Variants in RB1 observed in about 807,000 individuals in gnomAD.
RB1 encodes retinoblastoma-associated protein.
Under a neutral mutation model 135.4 loss-of-function variants are expected in RB1, and 18 were observed. That is an observed-to-expected ratio of 0.13 (90% confidence interval 0.09 to 0.20). RB1 has a LOEUF of 0.20. RB1 is among the 10% of genes least tolerant of loss of function. The probability of loss-of-function intolerance (pLI) is 1.00; values close to 1 mark genes in which losing one functional copy is unlikely to be tolerated. For synonymous variants in RB1, 365 were observed against 373.2 expected (o/e 0.98, Z 0.25); for missense variants, 868 against 1,110.0 (o/e 0.78, Z 3.10).
intron 23 of RB1, among the ~76,000 whole-genome samples, chr13:48,471,766 G>A (rs991368552): frequency 2.0e-5 from 3 of 152,094 alleles, no homozygotes; most frequent in African/African-American, 7.2e-5. Context: ...AGTACTTTTA[G>A]TTTGCAGTTT....
At chr13:48,318,271 C>A (rs568503079) in intron 2 of RB1, 131 of 939,748 alleles carry the variant, frequency 1.4e-4, no homozygotes, top group Non-Finnish European at 1.9e-4. Flanking sequence ...TCTTTCCAGT[C>A]TCTCGGGAGC....
chr13:48,326,728 G>A (rs953782188), intron 2 of RB1, among the ~76,000 whole-genome samples: 2 of 152,080 alleles, frequency 1.3e-5, no homozygotes, highest in African/African-American at 4.8e-5. Flanking sequence ...AGCTCAGCGA[G>A]CAGTTACCAC....
chr13:48,433,411 G>C (rs187857324), intron 17 of RB1, among the ~76,000 whole-genome samples: 1 of 151,936 alleles, frequency 6.6e-6, no homozygotes, highest in Non-Finnish European at 1.5e-5. Flanking sequence ...ATTTGAAGAA[G>C]AGAATTGGGA....
chr13:48,320,532 A>G, intron 2 of RB1: 5 of 537,218 alleles, frequency 9.3e-6, no homozygotes, highest in Non-Finnish European at 1.7e-5. Context: ...TGCCAGCTTC[A>G]TATACTCAAA....
chr13:48,412,439 A>G (rs781098756), intron 17 of RB1: 4 of 1,599,142 alleles, frequency 2.5e-6, no homozygotes, highest in East Asian at 2.2e-5. Context: ...AGGCACGTCC[A>G]ATTTTCAGTT....
chr13:48,359,878 A>G (rs1952623237), intron 6 of RB1, 139 bp from the exon 7 acceptor site: 1 of 1,331,652 alleles, frequency 7.5e-7, no homozygotes, highest in Admixed American at 3.0e-5. Context: ...TTTTTTACAA[A>G]AAAAAGAAAG....
chr13:48,317,688 A>C (rs1207807553), intron 2 of RB1: 7 of 542,898 alleles, frequency 1.3e-5, no homozygotes, highest in African/African-American at 2.1e-5. Context: ...GCGGTGCCGG[A>C]TCCCCTTGGG....
At chr13:48,456,643 C>T (rs1350954137) in intron 19 of RB1, among the ~76,000 whole-genome samples, 2 of 152,250 alleles carry the variant, frequency 1.3e-5, no homozygotes, top group Non-Finnish European at 2.9e-5. Flanking sequence ...TCGGCTCACA[C>T]TACCGGCCTG....
intron 2 of RB1, 68 bp from the exon 3 acceptor site, chr13:48,342,531 A>G: frequency 2.1e-6 from 2 of 964,798 alleles, no homozygotes; most frequent in South Asian, 1.3e-5. Flanking sequence ...GTTATAATAC[A>G]GTTTTAACAT....
At position 48,452,385 on chromosome 13, in the gene RB1, C is replaced by G. The variant is rs151023707; in HGVS notation, c.1696-608C>G. Among the ~76,000 whole-genome samples the G allele has an allele frequency of 2.1e-3, 320 of 152,076 alleles. 1 individual carries two copies. Among genetic ancestry groups the G allele is most frequent in the African/African-American group, 6.9e-3 (287 of 41,492 alleles). ...TTCAAATTATTTAATAGTTGCAGGA[C>G]TATGTAAGTTATTTTATTTCTTTTT... On this transcript the variant is annotated intron_variant, in intron 17 of 26. Coordinates refer to ENST00000267163, the MANE Select transcript of RB1 (RefSeq NM_000321.3).
At chr13:48,341,683 TG>T (rs1168716785) in intron 2 of RB1, among the ~76,000 whole-genome samples, 1 of 151,998 alleles carries the variant, frequency 6.6e-6, no homozygotes, top group Non-Finnish European at 1.5e-5. Context: ...AGTTTAGAGT[TG>T]GATGGTGGTA....
intron 2 of RB1, chr13:48,333,067 CTG>C (rs1952350825): frequency 2.5e-6 from 1 of 398,224 alleles, no homozygotes; most frequent in Non-Finnish European, 4.4e-6. Flanking sequence ...GAAACTGAAA[CTG>C]TGGAAAGTGA....
rs755742054 is a variant in RB1 at position 48,368,622 on chromosome 13, T to C, written c.1127+18T>C. 1 of 1,607,834 alleles carries C rather than the reference T, an allele frequency of 6.2e-7. No individual in the cohort carries two copies. The highest frequency in any genetic ancestry group is 2.3e-5 in the East Asian group (1 of 44,320). On this transcript the variant is annotated intron_variant, in intron 11 of 26. Coordinates refer to ENST00000267163, the MANE Select transcript of RB1 (RefSeq NM_000321.3). ...CCAGTTAGGTATGAATTTTCCTACT[T>C]TTAATTATATTATAATTTTGTTATT...
At chr13:48,421,146 A>G (rs933386606) in intron 17 of RB1, among the ~76,000 whole-genome samples, 2 of 152,238 alleles carry the variant, frequency 1.3e-5, no homozygotes, top group Non-Finnish European at 2.9e-5. Context: ...CTACAAGGCT[A>G]CAATAACCAA....
At chr13:48,369,316 G>T (rs1266614450) in intron 11 of RB1, among the ~76,000 whole-genome samples, 2 of 151,998 alleles carry the variant, frequency 1.3e-5, no homozygotes, top group Non-Finnish European at 2.9e-5. Flanking sequence ...CTCCATTTCT[G>T]CTCTCACAAC....
chr13:48,315,236 G>A (rs537213983), intron 2 of RB1, among the ~76,000 whole-genome samples: 4 of 152,196 alleles, frequency 2.6e-5, no homozygotes, highest in Admixed American at 2.0e-4. Context: ...TGTAATTCTT[G>A]TAGAGAGCTT....
At chr13:48,446,877 G>A (rs901819417) in intron 17 of RB1, among the ~76,000 whole-genome samples, 1 of 152,176 alleles carries the variant, frequency 6.6e-6, no homozygotes, top group Non-Finnish European at 1.5e-5. Flanking sequence ...TTTATTCTAC[G>A]TGTGACAGGA....
chr13:48,456,435 A>C, intron 19 of RB1, 86 bp downstream of exon 19: 1 of 1,528,590 alleles, frequency 6.5e-7, no homozygotes, highest in Non-Finnish European at 8.9e-7. Context: ...TTCTAGGTAC[A>C]TTACTGGGCA....
At chr13:48,341,572 T>C (rs1395791340) in intron 2 of RB1, among the ~76,000 whole-genome samples, 2 of 152,056 alleles carry the variant, frequency 1.3e-5, no homozygotes, top group Non-Finnish European at 2.9e-5. Context: ...TCACTGACCC[T>C]TGATATTGTC....
Sources: gnomAD v4.1 joint callset for allele counts (sites outside exome capture counted in the v4.1 genomes callset) on GRCh38, gnomAD v4.1.1 for gene constraint, MANE v1.5 for transcripts, NCBI Gene and HGNC (gene_info 2026-07-23, HGNC 2026-07-21) for gene names.